Variants in FMN2 observed in about 807,000 individuals in gnomAD.
FMN2 encodes the protein formin 2.
A neutral mutation model predicts 142.3 loss-of-function variants in FMN2; 51 were observed. The observed-to-expected ratio is 0.36, with a 90% CI of 0.29 to 0.45. FMN2 has a LOEUF of 0.45. Ranked by LOEUF, FMN2 falls within the 20% of genes least tolerant of loss-of-function variation. The pLI is 1.00. For missense variants in FMN2, 1,936 were observed against 2,122.8 expected (o/e 0.91, Z 1.73); for synonymous variants, 882 against 869.8 (o/e 1.01, Z -0.25).
chr1:240,244,006 C>T (rs1017073442), intron 6 of FMN2, among the ~76,000 whole-genome samples: 4 of 152,176 alleles, frequency 2.6e-5, no homozygotes, highest in African/African-American at 9.7e-5. Flanking sequence ...CCACCTTGTG[C>T]TCTAATGTCG....
chr1:240,387,416 C>T (rs191927859), intron 14 of FMN2, among the ~76,000 whole-genome samples: 59 of 152,294 alleles, frequency 3.9e-4, no homozygotes, highest in African/African-American at 1.3e-3. Context: ...TCACTAAATT[C>T]ACATGAAGTA....
chr1:240,394,565 G>A (rs10737843), intron 15 of FMN2, among the ~76,000 whole-genome samples: 100,105 of 152,144 alleles, frequency 0.66, 34,039 homozygotes, highest in African/African-American at 0.82. Context: ...ATAATTCATG[G>A]AAGTAGCTAA....
chr1:240,092,402 T>G lies in FMN2; in HGVS notation c.293T>G (p.Leu98Arg). 6.2e-7 allele frequency: 1 copy of G among 1,612,732 alleles called. No homozygotes were observed. Among genetic ancestry groups the G allele is most frequent in the Non-Finnish European group, 8.5e-7 (1 of 1,179,704 alleles). Reference protein sequence around the residue: ...KGAGGSREDVLDSQALQTGEL... With the variant: ...KGAGGSREDVRDSQALQTGEL... The stretch of plus-strand genomic sequence containing the variant: ...GCCGGCGGCTCCCGCGAAGATGTAC[T>G]GGATTCCCAGGCCCTGCAGACCGGG... Residue 98 changes from leucine to arginine, a missense_variant, in exon 1 of 18, where the codon CTG becomes CGG. Leu to Arg is a moderately radical substitution (Grantham distance 102). Around this residue, in one of 8 missense-constraint regions of FMN2, gnomAD observed 751 missense variants for 791.8 expected, o/e 0.95. Transcript: ENST00000319653.
intron 14 of FMN2, among the ~76,000 whole-genome samples, chr1:240,378,190 G>T (rs1402945829): frequency 6.6e-6 from 1 of 150,560 alleles, no homozygotes; most frequent in Non-Finnish European, 1.5e-5. Flanking sequence ...CACTCTTGTT[G>T]CCCAGGCTAG....
In FMN2 at chr1:240,141,864, GAAGTCCTC is replaced by G. The variant is rs766074859; in HGVS notation, c.1782+18521_1782+18528del. On this transcript the variant is annotated intron_variant, in intron 2 of 17. Transcript: ENST00000319653. ...CAGGGCTCACATGGTGCTTCTGAGG[GAAGTCCTC>G]AGAAGTTGGGTGGTTGAGTTGGGAC... 1.4e-3 allele frequency among the ~76,000 whole-genome samples: 207 copies of G among 152,258 alleles called. 1 individual carries two copies. Among genetic ancestry groups the G allele is most frequent in the Non-Finnish European group, 2.1e-3 (141 of 68,022 alleles).
chr1:240,281,436 C>G (rs1211327205), intron 7 of FMN2, among the ~76,000 whole-genome samples: 2 of 152,122 alleles, frequency 1.3e-5, no homozygotes, highest in Non-Finnish European at 2.9e-5. Context: ...GGTGTAAACT[C>G]TACTAGGGCA....
intron 8 of FMN2, among the ~76,000 whole-genome samples, chr1:240,302,388 T>C (rs1572172278): frequency 6.6e-6 from 1 of 151,656 alleles, no homozygotes; most frequent in African/African-American, 2.4e-5. Flanking sequence ...CTTACACTTA[T>C]CAAGGGACAA....
At chr1:240,188,105 T>G (rs1665556123) in intron 3 of FMN2, 102 bp from the exon 4 acceptor site, 2 of 1,142,688 alleles carry the variant, frequency 1.8e-6, no homozygotes. Flanking sequence ...TTTTTGGTAC[T>G]TATGGTTAAT....
At chr1:240,152,780 C>A (rs1663842693) in intron 2 of FMN2, among the ~76,000 whole-genome samples, 1 of 152,330 alleles carries the variant, frequency 6.6e-6, no homozygotes, top group African/African-American at 2.4e-5. Context: ...CTTGGCATTT[C>A]TCAGCCTTTC....
At chr1:240,114,218 C>T (rs1661930198) in intron 1 of FMN2, among the ~76,000 whole-genome samples, 1 of 152,124 alleles carries the variant, frequency 6.6e-6, no homozygotes, top group Non-Finnish European at 1.5e-5. Context: ...CAAAAATGGA[C>T]TTTTAAAGTA....
intron 6 of FMN2, among the ~76,000 whole-genome samples, chr1:240,231,942 C>T (rs554533699): frequency 6.6e-5 from 10 of 152,308 alleles, no homozygotes; most frequent in African/African-American, 2.4e-4. Context: ...TGCTTGGTTT[C>T]CTTCCTGGTA....
At chr1:240,341,117 T>C (rs1671727194) in intron 13 of FMN2, among the ~76,000 whole-genome samples, 1 of 152,224 alleles carries the variant, frequency 6.6e-6, no homozygotes, top group South Asian at 2.1e-4. Flanking sequence ...CTCTTGACTC[T>C]GTTAATTCTA....
chr1:240,402,420 C>G (rs1466955736), intron 15 of FMN2, among the ~76,000 whole-genome samples: 1 of 152,226 alleles, frequency 6.6e-6, no homozygotes, highest in African/African-American at 2.4e-5. Flanking sequence ...AATGGTTTAA[C>G]TGAACTCTGC....
At chr1:240,120,478 ATC>A (rs1360000066) in intron 1 of FMN2, among the ~76,000 whole-genome samples, 2 of 152,212 alleles carry the variant, frequency 1.3e-5, no homozygotes, top group South Asian at 2.1e-4. Context: ...ATATGAATGA[ATC>A]TATCACAGAA....
intron 16 of FMN2, among the ~76,000 whole-genome samples, chr1:240,449,631 A>G (rs1214229586): frequency 6.6e-6 from 1 of 152,186 alleles, no homozygotes; most frequent in Non-Finnish European, 1.5e-5. Flanking sequence ...TTAAACCACA[A>G]TCATCATGGC....
In FMN2 at chr1:240,299,409, T is replaced by G. The variant is rs74151610; in HGVS notation, c.4215+4526T>G. On this transcript the variant is annotated intron_variant, in intron 8 of 17. Coordinates refer to ENST00000319653, the MANE Select transcript of FMN2 (RefSeq NM_020066.5). ...ATGTCATTATTTACATTTCAAATGC[T>G]CTGCTTTTTTTAAACATCAGTATAA... Among the ~76,000 whole-genome samples, 501 of 152,308 alleles carry G rather than the reference T, an allele frequency of 3.3e-3. 2 individuals carry two copies. The highest frequency in any genetic ancestry group is 0.011 in the African/African-American group (476 of 41,566).
intron 1 of FMN2, among the ~76,000 whole-genome samples, chr1:240,108,904 C>T (rs1030801711): frequency 1.3e-5 from 2 of 152,040 alleles, no homozygotes; most frequent in African/African-American, 2.4e-5. Context: ...GGCGTGGTGG[C>T]GAGAGCCTGT....
intron 1 of FMN2, among the ~76,000 whole-genome samples, chr1:240,122,060 C>A (rs1219633101): frequency 1.0e-5 from 1 of 97,478 alleles, no homozygotes; most frequent in Non-Finnish European, 2.1e-5. Flanking sequence ...CTTTTGGATC[C>A]AAAATTAATT....
intron 7 of FMN2, among the ~76,000 whole-genome samples, chr1:240,270,830 G>C (rs945367476): frequency 7.2e-5 from 11 of 151,840 alleles, no homozygotes; most frequent in African/African-American, 2.7e-4. Flanking sequence ...GTTACTAGAG[G>C]CTGAGGGGAC....
Sources: allele counts gnomAD v4.1 joint callset (sites outside exome capture counted in the v4.1 genomes callset), GRCh38; gene constraint gnomAD v4.1.1; regional missense constraint gnomAD v4.1.1; transcripts MANE v1.5; gene names NCBI Gene and HGNC (gene_info 2026-07-23, HGNC 2026-07-21).